The following GNB4 variants were observed in gnomAD, a reference collection of about 807,000 sequenced individuals.
GNB4 encodes G protein subunit beta 4.
A neutral mutation model predicts 45.2 loss-of-function variants in GNB4; 28 were observed. The ratio of observed to expected loss-of-function variants is 0.62; its 90% CI spans 0.46 to 0.85. GNB4 has a LOEUF of 0.85. Ranked by LOEUF, GNB4 falls within the 40% of genes least tolerant of loss-of-function variation. The pLI is 0.00. For missense variants in GNB4, 321 were observed against 425.4 expected, an observed-to-expected ratio of 0.75 and a Z score of 2.16; for synonymous variants, 132 against 143.7, an observed-to-expected ratio of 0.92 and a Z score of 0.58.
At chr3:179,483,112 T>A in the GNB4 span, among the ~76,000 whole-genome samples, 2 of 152,212 alleles carry the variant, frequency 1.3e-5, no homozygotes, top group African/African-American at 4.8e-5. Flanking sequence ...CCTTTCTATC[T>A]AAAGGACAAT....
the GNB4 span, among the ~76,000 whole-genome samples, chr3:179,465,799 C>T: frequency 0.11 from 6,302 of 57,164 alleles, 279 homozygotes; most frequent in Middle Eastern, 0.21. Context: ...TAATTTTTTT[C>T]TTCTTCTTCT....
In GNB4 at chr3:179,419,421, T is replaced by C. The variant is rs764497524; in HGVS notation, c.181A>G (p.Met61Val). ...LRGHLAKIYA[M>V]HWGYDSRLLV... ...AACCTGGAATCGTATCCCCAATGCA[T>C]AGCATAGATTTTAGCTAGGTGGCCC... The change falls in exon 4 of 10, where the codon ATG (methionine) becomes GTG (valine). Residue 61 changes from methionine (M) to valine (V), a missense_variant. Physicochemically the swap from Met to Val is conservative, Grantham distance 21 (BLOSUM62 1). Transcript: ENST00000232564. The C allele has an allele frequency of 6.2e-7, 1 of 1,608,006 alleles. No individual in the cohort carries two copies. Among genetic ancestry groups the C allele is most frequent in the South Asian group, 1.1e-5 (1 of 90,954 alleles).
the GNB4 span, among the ~76,000 whole-genome samples, chr3:179,520,444 A>G: frequency 1.3e-5 from 2 of 151,988 alleles, no homozygotes; most frequent in East Asian, 1.9e-4. Context: ...ACCGTGCCCT[A>G]TAGCTTTTTT....
At chr3:179,469,658 G>T in the GNB4 span, among the ~76,000 whole-genome samples, 14 of 152,252 alleles carry the variant, frequency 9.2e-5, no homozygotes, top group East Asian at 2.7e-3. Flanking sequence ...GCACATTAAA[G>T]CTTGAGAAAC....
At chr3:179,495,753 G>A in the GNB4 span, among the ~76,000 whole-genome samples, 2 of 152,090 alleles carry the variant, frequency 1.3e-5, no homozygotes, top group Non-Finnish European at 2.9e-5. Context: ...CCCACATAAG[G>A]CTATCAGTGG....
At chr3:179,434,083 G>T (rs182016890) in intron 1 of GNB4, among the ~76,000 whole-genome samples, 1 of 152,194 alleles carries the variant, frequency 6.6e-6, no homozygotes, top group Non-Finnish European at 1.5e-5. Flanking sequence ...GTGACGACAC[G>T]TATCTTTCAA....
the GNB4 span, among the ~76,000 whole-genome samples, chr3:179,504,796 C>T: frequency 6.6e-6 from 1 of 152,212 alleles, no homozygotes; most frequent in African/African-American, 2.4e-5. Context: ...CCTGTGTGAG[C>T]TTTCTTAAGG....
At chr3:179,461,366 G>T in the GNB4 span, among the ~76,000 whole-genome samples, 2 of 152,064 alleles carry the variant, frequency 1.3e-5, no homozygotes, top group Non-Finnish European at 2.9e-5. Flanking sequence ...GTGTGGTAGC[G>T]GGCACTTGTA....
rs1251333635 is a variant in GNB4, at chr3:179,400,738, A to G, written c.*475T>C. 1 of 152,338 alleles carries G rather than the reference A, an allele frequency of 6.6e-6. No homozygotes were observed. The highest frequency in any genetic ancestry group is 1.9e-4 in the East Asian group (1 of 5,198). The allele number at this position is 152,338 out of a possible 1,614,324, so 9.4% of individuals were successfully genotyped here. A position where few individuals can be genotyped will look rare whatever the true frequency, so the allele number is the denominator to read the frequency against. On this transcript the variant is annotated 3_prime_UTR_variant, in exon 10 of 10. Transcript: ENST00000232564. ...CAGGATCTCTTAGATTCAAAGAGAT[A>G]TCAGAATTCAAGGGGACTTTCTTCA...
chr3:179,501,182 CT>C, the GNB4 span, among the ~76,000 whole-genome samples: 1 of 152,152 alleles, frequency 6.6e-6, no homozygotes, highest in African/African-American at 2.4e-5. Flanking sequence ...CAGATCTCTT[CT>C]CTTTCTTTAC....
intron 4 of GNB4, among the ~76,000 whole-genome samples, chr3:179,418,446 G>A (rs1714866406): frequency 1.5e-5 from 2 of 133,898 alleles, no homozygotes; most frequent in African/African-American, 2.7e-5. Flanking sequence ...CTCCAGCCTG[G>A]GCAACAAGAG....
intron 2 of GNB4, 127 bp downstream of exon 2, chr3:179,426,017 T>G: frequency 1.4e-6 from 1 of 698,080 alleles, no homozygotes; most frequent in Non-Finnish European, 2.4e-6. Context: ...TACTTCGCCA[T>G]GTGAGAGAAA....
At chr3:179,414,216 A>G (rs1226116594) in intron 6 of GNB4, among the ~76,000 whole-genome samples, 2 of 152,222 alleles carry the variant, frequency 1.3e-5, no homozygotes, top group Non-Finnish European at 2.9e-5. Context: ...TTTCAAATAA[A>G]AAATATTAAA....
At chr3:179,415,970 C>T (rs960450249) in intron 5 of GNB4, among the ~76,000 whole-genome samples, 5 of 146,706 alleles carry the variant, frequency 3.4e-5, no homozygotes, top group African/African-American at 4.9e-5. Context: ...GAAGCTTTTT[C>T]ACCACTCAAC....
chr3:179,442,294 T>C (rs887495576), intron 1 of GNB4, among the ~76,000 whole-genome samples: 1 of 152,216 alleles, frequency 6.6e-6, no homozygotes, highest in African/African-American at 2.4e-5. Flanking sequence ...CATGAATTCA[T>C]TGAACCCATT....
At chr3:179,433,300 C>G (rs567968205) in intron 1 of GNB4, among the ~76,000 whole-genome samples, 8 of 152,172 alleles carry the variant, frequency 5.3e-5, no homozygotes, top group East Asian at 1.9e-4. Context: ...CATAGGGGAG[C>G]AGAATCTCCC....
intron 1 of GNB4, among the ~76,000 whole-genome samples, chr3:179,432,736 G>A (rs996540855): frequency 4.6e-5 from 7 of 152,290 alleles, no homozygotes; most frequent in South Asian, 2.1e-4. Flanking sequence ...AGAAGCATGC[G>A]TAAATTCAGG....
At chr3:179,493,313 T>G in the GNB4 span, among the ~76,000 whole-genome samples, 4 of 151,866 alleles carry the variant, frequency 2.6e-5, no homozygotes, top group South Asian at 2.1e-4. Context: ...AGAACACAGA[T>G]AGACAACTAA....
chr3:179,484,288 T>C, the GNB4 span, among the ~76,000 whole-genome samples: 1 of 152,216 alleles, frequency 6.6e-6, no homozygotes, highest in East Asian at 1.9e-4. Context: ...GGGCCAAATA[T>C]ATGACCCTTC....
Sources: gnomAD v4.1 joint callset for allele counts (sites outside exome capture counted in the v4.1 genomes callset) on GRCh38, gnomAD v4.1.1 for gene constraint, MANE v1.5 for transcripts, NCBI Gene and HGNC (gene_info 2026-07-23, HGNC 2026-07-21) for gene names.